Variants in RAD54L observed in about 807,000 individuals in gnomAD.
RAD54L encodes the protein RAD54 like.
RAD54L carries 74 observed loss-of-function variants against 91.6 expected under a neutral mutation model. That is an observed-to-expected ratio of 0.81 (90% confidence interval 0.67 to 0.98). The LOEUF (loss-of-function observed/expected upper bound fraction) is 0.98, where lower values mean the gene tolerates loss of function less well. Ranked by LOEUF, RAD54L falls within the 50% of genes least tolerant of loss-of-function variation. The pLI, the probability that RAD54L is intolerant of heterozygous loss-of-function variation, is 0.00. For synonymous variants in RAD54L, 304 were observed against 349.7 expected, an observed-to-expected ratio of 0.87 and a Z score of 1.46; for missense variants, 887 against 945.7, an observed-to-expected ratio of 0.94 and a Z score of 0.81.
In RAD54L at chr1:46,270,714, C is replaced by T. The variant is rs28363233; in HGVS notation, c.1098C>T (p.Asp366=). 2.2e-3 allele frequency: 3,617 copies of T among 1,614,210 alleles called. 137 individuals carry two copies. The East Asian group carries it at 0.075, about 33-fold the overall frequency. The part of the protein sequence containing the change: ...HFELPILKGR[D]AAASEADRQL... The stretch of plus-strand genomic sequence containing the variant: ...AATTGCCAATTTTGAAGGGTCGAGA[C>T]GCTGCTGCTAGTGAGGCAGACAGGC... The change falls in exon 10 of 18, where the codon GAC becomes GAT. Residue 366 remains aspartate, a synonymous_variant. Coordinates refer to ENST00000371975, the MANE Select transcript of RAD54L (RefSeq NM_003579.4).
At chr1:46,271,620 G>A (rs986307049) in intron 10 of RAD54L, among the ~76,000 whole-genome samples, 38 of 151,784 alleles carry the variant, frequency 2.5e-4, no homozygotes, top group Non-Finnish European at 4.9e-4. Context: ...CTGCGCCACT[G>A]CACCCCAGCC....
Position 46,260,941 on chromosome 1 carries a change from G to C in RAD54L, c.692G>C (p.Gly231Ala). The C allele has an allele frequency of 6.2e-7, 1 of 1,614,196 alleles. No individual in the cohort carries two copies. The highest frequency in any genetic ancestry group is 1.7e-5 in the Admixed American group (1 of 60,028). ...GTGAAGAACTGGTACAATGAGGTTGGGAAATGGCTCGGAGGGAGGATCCAA... is the reference window on the plus strand; with the variant it reads ...GTGAAGAACTGGTACAATGAGGTTGCGAAATGGCTCGGAGGGAGGATCCAA... ...SLVKNWYNEV[G>A]KWLGGRIQPL... The change falls in exon 7 of 18, where the codon GGG becomes GCG. Residue 231 changes from glycine to alanine, a missense_variant. Transcript: ENST00000371975.
rs1231093707 is a variant in RAD54L at position 46,270,783 on chromosome 1, T to C, written c.1167T>C (p.Asn389=). The part of the protein sequence containing the change: ...ERLRELTSIV[N]RCLIRRTSDI... ...TGCGGGAGCTCACCAGCATTGTGAATAGGTAATGACCTTAAGCGAAGTCAT... is the reference window on the plus strand; with the variant it reads ...TGCGGGAGCTCACCAGCATTGTGAACAGGTAATGACCTTAAGCGAAGTCAT... The change falls in exon 10 of 18, where the codon AAT becomes AAC. Residue 389 remains asparagine, a splice_region_variant and synonymous_variant. Coordinates refer to ENST00000371975, the MANE Select transcript of RAD54L (RefSeq NM_003579.4). 1.2e-6 allele frequency: 2 copies of C among 1,614,108 alleles called. No individual in the cohort carries two copies. The highest frequency in any genetic ancestry group is 2.2e-5 in the East Asian group (1 of 44,880).
chr1:46,267,355 C>G, intron 8 of RAD54L, 104 bp from the exon 9 acceptor site: 1 of 1,502,796 alleles, frequency 6.7e-7, no homozygotes, highest in African/African-American at 1.4e-5. Context: ...TGAGCCACGG[C>G]GCCCGGCCTG....
chr1:46,249,909 C>CT, intron 2 of RAD54L, 91 bp from the exon 3 acceptor site: 8 of 1,422,464 alleles, frequency 5.6e-6, no homozygotes, highest in Non-Finnish European at 7.9e-6. Flanking sequence ...AGCACAGTGC[C>CT]TGGCACTTAA....
At chr1:46,262,522 G>C (rs953821125) in intron 8 of RAD54L, among the ~76,000 whole-genome samples, 1 of 152,148 alleles carries the variant, frequency 6.6e-6, no homozygotes, top group South Asian at 2.1e-4. Context: ...AGGAGGGAAA[G>C]AGGAGCCATC....
chr1:46,267,219 A>G (rs1660289940), intron 8 of RAD54L, among the ~76,000 whole-genome samples: 1 of 152,154 alleles, frequency 6.6e-6, no homozygotes, highest in Non-Finnish European at 1.5e-5. Context: ...GTAAGCTACT[A>G]TGCCCAGCTA....
In RAD54L at chr1:46,265,591, A is replaced by G. The variant is rs1017166240; in HGVS notation, c.892-1868A>G. Among the ~76,000 whole-genome samples, 1 of 152,308 alleles carries G rather than the reference A, an allele frequency of 6.6e-6. No individual in the cohort carries two copies. On this transcript the variant is annotated intron_variant, in intron 8 of 17. Transcript: ENST00000371975. This position sits in a 1 kb window ranked among gnomAD's most constrained non-coding sequence, Gnocchi z 4.8. ...GCCCCGTTGGTTTATTTAATCTTTA[A>G]TAGCAACATTGGTCATTATTTCATT...
At chr1:46,276,180 G>C (rs1660594990) in intron 16 of RAD54L, among the ~76,000 whole-genome samples, 1 of 151,482 alleles carries the variant, frequency 6.6e-6, no homozygotes, top group Non-Finnish European at 1.5e-5. Flanking sequence ...CCTTCTGATT[G>C]ATTAACTGAT....
At chr1:46,277,684 C>A in intron 16 of RAD54L, 133 bp from the exon 17 acceptor site, 2 of 1,030,810 alleles carry the variant, frequency 1.9e-6, no homozygotes, top group Non-Finnish European at 3.0e-6. Flanking sequence ...AGATAATGTT[C>A]TGGGACTCAT....
chr1:46,267,699 T>G (rs1660305656), intron 9 of RAD54L, 90 bp downstream of exon 9: 3 of 1,486,624 alleles, frequency 2.0e-6, no homozygotes, highest in Non-Finnish European at 2.8e-6. Context: ...AAGAAGAGAA[T>G]GCTAGTTATA....
Position 46,274,640 on chromosome 1 carries a change from G to A in RAD54L, c.1792G>A (p.Ala598Thr), listed in dbSNP as rs1265483655. 6.2e-7 allele frequency: 1 copy of A among 1,614,130 alleles called. No homozygotes were observed. The highest frequency in any genetic ancestry group is 8.5e-7 in the Non-Finnish European group (1 of 1,180,048). Reference protein sequence around the residue: ...LVMFDPDWNPANDEQAMARVW... With the variant: ...LVMFDPDWNPTNDEQAMARVW... ...CATGTTTGACCCTGACTGGAACCCA[G>A]CCAATGATGAACAAGCCATGGCCCG... Residue 598 changes from alanine to threonine, a missense_variant, in exon 16 of 18, where the codon GCC becomes ACC. Ala to Thr is a moderately conservative substitution (Grantham distance 58). Coordinates refer to ENST00000371975, the MANE Select transcript of RAD54L (RefSeq NM_003579.4).
chr1:46,276,978 G>T (rs759469308), intron 16 of RAD54L, among the ~76,000 whole-genome samples: 2 of 152,132 alleles, frequency 1.3e-5, no homozygotes, highest in Non-Finnish European at 2.9e-5. Flanking sequence ...TGTATTTTTA[G>T]TAGAGACAGG....
At chr1:46,271,781 G>C (rs1468307346) in intron 10 of RAD54L, among the ~76,000 whole-genome samples, 1 of 152,062 alleles carries the variant, frequency 6.6e-6, no homozygotes, top group Non-Finnish European at 1.5e-5. Context: ...TTTAGCCTGG[G>C]GCCATGTAGC....
chr1:46,272,922 G>A (rs1660476952), intron 12 of RAD54L, 120 bp downstream of exon 12: 1 of 1,417,110 alleles, frequency 7.1e-7, no homozygotes, highest in Non-Finnish European at 9.8e-7. Context: ...GAGGCCACAT[G>A]TGATTCCAAC....
chr1:46,272,335 G>A (rs1003542570), intron 10 of RAD54L, 131 bp from the exon 11 acceptor site: 4 of 851,084 alleles, frequency 4.7e-6, no homozygotes, highest in South Asian at 1.4e-5. Flanking sequence ...GAGCCACTGC[G>A]CCTGGCCGAG....
At chr1:46,266,726 G>C (rs772824685) in intron 8 of RAD54L, among the ~76,000 whole-genome samples, 1 of 152,192 alleles carries the variant, frequency 6.6e-6, no homozygotes, top group African/African-American at 2.4e-5. Flanking sequence ...TACAGAAGGC[G>C]TCTGGCTCAG....
chr1:46,260,232 A>G, intron 5 of RAD54L, 133 bp downstream of exon 5: 3 of 1,397,806 alleles, frequency 2.1e-6, no homozygotes, highest in East Asian at 2.3e-5. Context: ...TGATTGGGGA[A>G]GGAGACTGCC....
chr1:46,274,080 T>A, intron 14 of RAD54L, 58 bp from the exon 15 acceptor site: 1 of 1,496,330 alleles, frequency 6.7e-7, no homozygotes, highest in Non-Finnish European at 9.3e-7. Flanking sequence ...TTATTTTTAA[T>A]TTTTTTTCCC....
Sources: allele counts gnomAD v4.1 joint callset (sites outside exome capture counted in the v4.1 genomes callset), GRCh38; gene constraint gnomAD v4.1.1; non-coding constraint Gnocchi (gnomAD v3.1); transcripts MANE v1.5; gene names NCBI Gene and HGNC (gene_info 2026-07-23, HGNC 2026-07-21).